LRRC8B: variants seen among roughly 807,000 people sequenced by gnomAD.
LRRC8B encodes volume-regulated anion channel subunit LRRC8B.
In LRRC8B, 23 loss-of-function variants were observed where a neutral mutation model predicts 58.8. The observed-to-expected ratio is 0.39, with a 90% CI of 0.28 to 0.55. The LOEUF is 0.55. Ranked by LOEUF, LRRC8B falls within the 20% of genes least tolerant of loss-of-function variation. The pLI is 0.62. For synonymous variants in LRRC8B, 359 were observed against 374.1 expected (o/e 0.96, Z 0.47); for missense variants, 694 against 936.0 (o/e 0.74, Z 3.37).
At chr1:89,582,082 G>A (rs1654266672) in intron 4 of LRRC8B, among the ~76,000 whole-genome samples, 1 of 152,000 alleles carries the variant, frequency 6.6e-6, no homozygotes, top group Non-Finnish European at 1.5e-5. Flanking sequence ...CATTTTGGAA[G>A]GTAAAATGTG....
At chr1:89,540,462 TC>T (rs1650874421) in intron 1 of LRRC8B, among the ~76,000 whole-genome samples, 1 of 152,236 alleles carries the variant, frequency 6.6e-6, no homozygotes, top group South Asian at 2.1e-4. Context: ...TATGTCTGAA[TC>T]AACCCCACGC....
intron 1 of LRRC8B, among the ~76,000 whole-genome samples, chr1:89,562,550 T>C (rs1652757306): frequency 6.6e-6 from 1 of 152,058 alleles, no homozygotes; most frequent in Admixed American, 6.6e-5. Context: ...CTCGGCTCAC[T>C]GCAGCCTCGA....
chr1:89,543,633 G>T (rs543695994), intron 1 of LRRC8B, among the ~76,000 whole-genome samples: 1 of 151,436 alleles, frequency 6.6e-6, no homozygotes, highest in Non-Finnish European at 1.5e-5. Context: ...GTAGCTGGGA[G>T]TACAGGCACA....
chr1:89,538,759 T>G (rs1478112518), intron 1 of LRRC8B, among the ~76,000 whole-genome samples: 3 of 152,184 alleles, frequency 2.0e-5, no homozygotes, highest in Non-Finnish European at 4.4e-5. Context: ...CTCACTTTGT[T>G]GCCCAAGCTG....
intron 1 of LRRC8B, among the ~76,000 whole-genome samples, chr1:89,548,668 A>G (rs1204548016): frequency 6.6e-6 from 1 of 152,182 alleles, no homozygotes; most frequent in African/African-American, 2.4e-5. Context: ...TGAAACAGAT[A>G]CTGCAAATAG....
intron 1 of LRRC8B, among the ~76,000 whole-genome samples, chr1:89,553,653 G>C (rs1304782047): frequency 3.9e-5 from 6 of 152,152 alleles, no homozygotes; most frequent in Admixed American, 6.5e-5. Flanking sequence ...GGAAACGTCT[G>C]CTTCCTTAAA....
intron 5 of LRRC8B, among the ~76,000 whole-genome samples, chr1:89,589,768 G>GA (rs71084952): frequency 0.34 from 33,207 of 97,830 alleles, 4,159 homozygotes; most frequent in Admixed American, 0.42. Flanking sequence ...TCAGTGGCCA[G>GA]AAAAAAAAAA....
intron 5 of LRRC8B, among the ~76,000 whole-genome samples, chr1:89,586,476 G>A (rs1015438495): frequency 1.2e-4 from 19 of 152,098 alleles, no homozygotes; most frequent in Non-Finnish European, 1.9e-4. Flanking sequence ...TTTGAAAGTC[G>A]GAGCTTATTC....
rs371765844 is a variant in LRRC8B at position 89,584,735 on chromosome 1, A to G, written c.2085A>G (p.Pro695=). The G allele has an allele frequency of 3.0e-5, 48 of 1,612,498 alleles. No homozygotes were observed. The highest frequency in any genetic ancestry group is 3.9e-5 in the Non-Finnish European group (46 of 1,179,574). Reference sequence around the variant, plus strand: ...GCTATAACCACTTGACCTTCATTCCAGAAGAAATCCAGTATCTGAGTAATT... The same window carrying G: ...GCTATAACCACTTGACCTTCATTCCGGAAGAAATCCAGTATCTGAGTAATT... ...DLSYNHLTFI[P]EEIQYLSNLQ... is the part of the protein sequence containing the mutation. The change falls in exon 5 of 6, where the codon CCA becomes CCG. Residue 695 remains proline, a synonymous_variant. Transcript: ENST00000330947.
At chr1:89,567,742 A>C (rs1438332875) in intron 1 of LRRC8B, among the ~76,000 whole-genome samples, 3 of 152,062 alleles carry the variant, frequency 2.0e-5, no homozygotes, top group African/African-American at 7.2e-5. Flanking sequence ...AGTATATGCA[A>C]AAAAAACATA....
At chr1:89,586,650 T>C (rs938541911) in intron 5 of LRRC8B, among the ~76,000 whole-genome samples, 2 of 152,206 alleles carry the variant, frequency 1.3e-5, no homozygotes, top group Non-Finnish European at 2.9e-5. Context: ...GCACATGCTT[T>C]CTTGAATAAG....
intron 1 of LRRC8B, among the ~76,000 whole-genome samples, chr1:89,547,405 A>G (rs931998547): frequency 1.3e-5 from 2 of 152,192 alleles, no homozygotes; most frequent in African/African-American, 4.8e-5. Context: ...GAGGGTGAGT[A>G]TTGTGGTGTT....
chr1:89,577,037 C>T (rs1653903309), intron 3 of LRRC8B, among the ~76,000 whole-genome samples: 1 of 152,162 alleles, frequency 6.6e-6, no homozygotes, highest in Non-Finnish European at 1.5e-5. Flanking sequence ...TCCCAAGAAA[C>T]ATCTTAATGG....
chr1:89,525,684 G>C (rs1432495073), intron 1 of LRRC8B, among the ~76,000 whole-genome samples: 25 of 152,208 alleles, frequency 1.6e-4, no homozygotes, highest in Admixed American at 1.6e-3. Flanking sequence ...AGGAGGCTCA[G>C]TATTGGCTCA....
intron 1 of LRRC8B, among the ~76,000 whole-genome samples, chr1:89,563,680 T>A (rs1421685461): frequency 6.6e-6 from 1 of 152,200 alleles, no homozygotes; most frequent in Non-Finnish European, 1.5e-5. Context: ...ATAAAGTTAC[T>A]ACTATGTTAA....
At chr1:89,544,068 T>C (rs909015023) in intron 1 of LRRC8B, among the ~76,000 whole-genome samples, 1 of 152,222 alleles carries the variant, frequency 6.6e-6, no homozygotes, top group Admixed American at 6.5e-5. Flanking sequence ...AGTGCTGAGA[T>C]TACCATCATA....
intron 1 of LRRC8B, among the ~76,000 whole-genome samples, chr1:89,527,518 C>A (rs1649791664): frequency 6.6e-6 from 1 of 152,208 alleles, no homozygotes; most frequent in Admixed American, 6.5e-5. Flanking sequence ...TGTGACCATT[C>A]AAGAGGAATT....
Position 89,556,319 on chromosome 1 carries a change from C to G in LRRC8B, c.-240-11928C>G, listed in dbSNP as rs116165952. 5.7e-3 allele frequency among the ~76,000 whole-genome samples: 864 copies of G among 152,226 alleles called. 10 individuals are homozygous for G. The highest frequency in any genetic ancestry group is 0.019 in the African/African-American group (791 of 41,524). On this transcript the variant is annotated intron_variant, in intron 1 of 5. Coordinates refer to ENST00000330947, the MANE Select transcript of LRRC8B (RefSeq NM_001369817.2). ...AAATACCTTGCCTTTTACATCTCTT[C>G]CATTTGGCTGTTCCTGAGTTGTATC...
chr1:89,560,537 T>G, intron 1 of LRRC8B, among the ~76,000 whole-genome samples: 1 of 128,980 alleles, frequency 7.8e-6, no homozygotes, highest in East Asian at 2.6e-4. Context: ...CCCTCCCCCC[T>G]TCCCCCACCC....
Sources: allele counts gnomAD v4.1 joint callset (sites outside exome capture counted in the v4.1 genomes callset), GRCh38; gene constraint gnomAD v4.1.1; transcripts MANE v1.5; gene names NCBI Gene and HGNC (gene_info 2026-07-23, HGNC 2026-07-21).